Variants in HLCS observed in about 807,000 individuals in gnomAD.
The protein encoded by HLCS is holocarboxylase synthetase, also known as biotin--protein ligase.
In HLCS, 53 loss-of-function variants were observed where a neutral mutation model predicts 75.0. That is an observed-to-expected ratio of 0.71 (90% CI 0.57 to 0.89). The LOEUF (loss-of-function observed/expected upper bound fraction) is 0.89, where lower values mean the gene tolerates loss of function less well. Ranked by LOEUF, HLCS falls within the 40% of genes least tolerant of loss-of-function variation. The pLI, the probability that HLCS is intolerant of heterozygous loss-of-function variation, is 0.00. For missense variants in HLCS, 966 were observed against 1,074.0 expected (o/e 0.90, Z 1.41); for synonymous variants, 431 against 428.6 (o/e 1.01, Z -0.07).
At chr21:36,807,358 G>A (rs2061390833) in intron 6 of HLCS, among the ~76,000 whole-genome samples, 1 of 152,176 alleles carries the variant, frequency 6.6e-6, no homozygotes, top group Admixed American at 6.5e-5. Flanking sequence ...TAGGCCACAT[G>A]TCAGCATTAT....
chr21:36,753,594 A>G lies in HLCS; in HGVS notation c.*652T>C, dbSNP rs1038961047. 6.5e-6 allele frequency: 1 copy of G among 152,896 alleles called. No homozygotes were observed. The highest frequency in any genetic ancestry group is 2.4e-5 in the African/African-American group (1 of 41,468). The allele number at this position is 152,896 out of a possible 1,614,324, so 9.5% of individuals were successfully genotyped here. Reference sequence around the variant, plus strand: ...TCCTTAGGAAAGGAGAGCTCACTGAATGATGTCAAAGTAATGAACTGATTT... The same window carrying G: ...TCCTTAGGAAAGGAGAGCTCACTGAGTGATGTCAAAGTAATGAACTGATTT... On this transcript the variant is annotated 3_prime_UTR_variant, in exon 11 of 11. Transcript: ENST00000674895. The surrounding 1 kb of genome is among the most constrained non-coding windows in gnomAD (Gnocchi z 4.3).
At chr21:36,830,626 G>C (rs1476587270) in intron 6 of HLCS, among the ~76,000 whole-genome samples, 2 of 151,946 alleles carry the variant, frequency 1.3e-5, no homozygotes, top group Admixed American at 1.3e-4. Context: ...TTGAGCCTAG[G>C]GGTTCGAGAC....
intron 6 of HLCS, among the ~76,000 whole-genome samples, chr21:36,771,809 C>T (rs969383783): frequency 6.6e-6 from 1 of 152,014 alleles, no homozygotes; most frequent in Non-Finnish European, 1.5e-5. Context: ...GACCAGCTGG[C>T]CAACATGGTG....
At chr21:36,841,582 C>A (rs75666963) in intron 6 of HLCS, among the ~76,000 whole-genome samples, 1 of 152,150 alleles carries the variant, frequency 6.6e-6, no homozygotes, top group Non-Finnish European at 1.5e-5. Context: ...GCTAAGAGCA[C>A]GGGAGTCAAA....
At chr21:36,792,310 C>T (rs530359946) in intron 6 of HLCS, among the ~76,000 whole-genome samples, 9 of 152,170 alleles carry the variant, frequency 5.9e-5, no homozygotes, top group East Asian at 1.9e-4. Context: ...TGACCAGGGA[C>T]GGCTGCCATC....
At chr21:36,917,462 C>T (rs761879878) in intron 5 of HLCS, among the ~76,000 whole-genome samples, 2 of 152,096 alleles carry the variant, frequency 1.3e-5, no homozygotes, top group South Asian at 2.1e-4. Context: ...AACCCCAGTG[C>T]GTTTCATGAA....
intron 1 of HLCS, among the ~76,000 whole-genome samples, chr21:36,988,400 T>G (rs987064614): frequency 6.6e-6 from 1 of 152,316 alleles, no homozygotes; most frequent in South Asian, 2.1e-4. Flanking sequence ...TTCCTCACTG[T>G]TTTTTATACG....
At chr21:36,896,817 A>C in intron 6 of HLCS, 43 bp downstream of exon 6, 1 of 1,609,432 alleles carries the variant, frequency 6.2e-7, no homozygotes, top group South Asian at 1.1e-5. Flanking sequence ...TGATCAATGG[A>C]ACAGGACTCC....
At chr21:36,840,938 G>A (rs2062594806) in intron 6 of HLCS, among the ~76,000 whole-genome samples, 1 of 151,876 alleles carries the variant, frequency 6.6e-6, no homozygotes, top group African/African-American at 2.4e-5. Context: ...GATTAAATTT[G>A]TAATCTTCAG....
intron 6 of HLCS, chr21:36,896,643 C>T: frequency 1.7e-6 from 1 of 580,850 alleles, no homozygotes; most frequent in South Asian, 2.1e-5. Flanking sequence ...AAAGCACAAC[C>T]ACCTTCCATT....
chr21:36,867,058 G>A (rs1047770116), intron 6 of HLCS, among the ~76,000 whole-genome samples: 1 of 152,162 alleles, frequency 6.6e-6, no homozygotes, highest in Non-Finnish European at 1.5e-5. Flanking sequence ...AGTGTAAACT[G>A]ATATTAATAG....
In HLCS at chr21:36,842,884, AG is replaced by A. The variant is rs1474731200; in HGVS notation, c.1892+53975del. ...CTACGTCAGCCTAACCAGCAGGATGAGGGGCCCCGGGCCAGGGAGCAACATC... is the reference window on the plus strand; with the variant it reads ...CTACGTCAGCCTAACCAGCAGGATGAGGGCCCCGGGCCAGGGAGCAACATC... On this transcript the variant is annotated intron_variant, in intron 6 of 10. Transcript: ENST00000674895. The surrounding 1 kb of genome is among the most constrained non-coding windows in gnomAD (Gnocchi z 4.2). Among the ~76,000 whole-genome samples the A allele has an allele frequency of 2.6e-5, 4 of 152,216 alleles. No homozygotes were observed. Among genetic ancestry groups the A allele is most frequent in the African/African-American group, 9.6e-5 (4 of 41,466 alleles).
At chr21:36,888,470 ATATATATATATATATATATATATATATT>A (rs2064612642) in intron 6 of HLCS, among the ~76,000 whole-genome samples, 2 of 105,634 alleles carry the variant, frequency 1.9e-5, no homozygotes, top group East Asian at 3.2e-4. Flanking sequence ...ATATATATAT[ATATATATATATATATATATATATATATT>A]TATTTATTTA....
At chr21:36,972,790 T>A (rs1014537824) in intron 1 of HLCS, among the ~76,000 whole-genome samples, 1 of 152,256 alleles carries the variant, frequency 6.6e-6, no homozygotes, top group Non-Finnish European at 1.5e-5. Flanking sequence ...GAAATCTTAC[T>A]GAGTTTATGA....
intron 6 of HLCS, among the ~76,000 whole-genome samples, chr21:36,778,707 T>C (rs900072601): frequency 6.6e-6 from 1 of 152,060 alleles, no homozygotes; most frequent in Admixed American, 6.5e-5. Context: ...TATTTATCTT[T>C]TAATTTATTT....
At chr21:36,770,724 C>T (rs1601166804) in intron 6 of HLCS, among the ~76,000 whole-genome samples, 1 of 151,954 alleles carries the variant, frequency 6.6e-6, no homozygotes, top group East Asian at 1.9e-4. Context: ...TGGGTTCATA[C>T]CACCACACCT....
chr21:36,924,092 A>C (rs1323315341), intron 5 of HLCS, among the ~76,000 whole-genome samples: 1 of 152,200 alleles, frequency 6.6e-6, no homozygotes, highest in African/African-American at 2.4e-5. Context: ...GATCTCTAAA[A>C]ATTATTTTTA....
intron 6 of HLCS, among the ~76,000 whole-genome samples, chr21:36,826,722 C>T (rs941153548): frequency 1.3e-5 from 2 of 152,146 alleles, no homozygotes; most frequent in African/African-American, 4.8e-5. Context: ...TTCCACAATG[C>T]CATAAATGAA....
At chr21:36,918,334 C>A (rs1211566944) in intron 5 of HLCS, among the ~76,000 whole-genome samples, 1 of 152,230 alleles carries the variant, frequency 6.6e-6, no homozygotes, top group Non-Finnish European at 1.5e-5. Context: ...CAGATTCACA[C>A]CATTTCACTG....
Sources: allele counts gnomAD v4.1 joint callset (sites outside exome capture counted in the v4.1 genomes callset), GRCh38; gene constraint gnomAD v4.1.1; non-coding constraint Gnocchi (gnomAD v3.1); transcripts MANE v1.5; gene names NCBI Gene and HGNC (gene_info 2026-07-23, HGNC 2026-07-21).